AHI1: variants seen among roughly 807,000 people sequenced by gnomAD.
AHI1 encodes Abelson helper integration site 1, also known as jouberin.
A neutral mutation model predicts 149.3 loss-of-function variants in AHI1; 123 were observed. The observed-to-expected ratio is 0.82, with a 90% CI of 0.71 to 0.96. The LOEUF (loss-of-function observed/expected upper bound fraction) is 0.96. AHI1 is among the 40% of genes least tolerant of loss of function. The pLI, the probability that AHI1 is intolerant of heterozygous loss-of-function variation, is 0.00. For missense variants in AHI1, 1,439 were observed against 1,422.7 expected, an observed-to-expected ratio of 1.01 and a Z score of -0.18; for synonymous variants, 475 against 459.8, an observed-to-expected ratio of 1.03 and a Z score of -0.42.
chr6:135,301,649 T>C (rs1470889638), intron 26 of AHI1: 2 of 985,300 alleles, frequency 2.0e-6, no homozygotes, highest in Non-Finnish European at 2.4e-6. Flanking sequence ...TCAAGCATAA[T>C]AAAAACAAGA....
intron 23 of AHI1, among the ~76,000 whole-genome samples, chr6:135,389,586 T>C (rs1413877637): frequency 1.3e-5 from 2 of 152,208 alleles, no homozygotes; most frequent in African/African-American, 2.4e-5. Flanking sequence ...TAAAAAATCA[T>C]GTCATCCCTA....
intron 26 of AHI1, among the ~76,000 whole-genome samples, chr6:135,311,675 A>G (rs1785229938): frequency 6.6e-6 from 1 of 152,234 alleles, no homozygotes. Context: ...AAAAAAGTCC[A>G]AAACACAAAA....
intron 20 of AHI1, 65 bp downstream of exon 20, chr6:135,427,102 T>C (rs1350533828): frequency 2.9e-5 from 43 of 1,485,052 alleles, no homozygotes; most frequent in Middle Eastern, 4.4e-4. Context: ...CCAGACAGAT[T>C]CCTGGTTTAG....
intron 5 of AHI1, among the ~76,000 whole-genome samples, chr6:135,475,894 C>T (rs1382791080): frequency 2.0e-5 from 3 of 152,118 alleles, no homozygotes; most frequent in African/African-American, 7.2e-5. Context: ...CCATGGAAAC[C>T]CCCAACACAT....
intron 18 of AHI1, 133 bp downstream of exon 18, chr6:135,429,749 G>T: frequency 2.0e-6 from 1 of 495,914 alleles, no homozygotes; most frequent in Non-Finnish European, 3.4e-6. Context: ...AAAATCTCCA[G>T]ATACTGCCAG....
At chr6:135,361,661 AC>A (rs1793897608) in intron 23 of AHI1, among the ~76,000 whole-genome samples, 11 of 148,650 alleles carry the variant, frequency 7.4e-5, no homozygotes, top group Admixed American at 7.3e-4. Context: ...ACACACACAC[AC>A]ACACACACAC....
At chr6:135,456,667 T>C (rs1319300538) in intron 9 of AHI1, among the ~76,000 whole-genome samples, 1 of 152,254 alleles carries the variant, frequency 6.6e-6, no homozygotes, top group Admixed American at 6.5e-5. Flanking sequence ...ATGGGCTTTT[T>C]TTGGACAATC....
chr6:135,428,800 C>T (rs373612654), intron 18 of AHI1, 41 bp from the exon 19 acceptor site: 1 of 1,528,482 alleles, frequency 6.5e-7, no homozygotes, highest in Non-Finnish European at 8.8e-7. Flanking sequence ...CTGTCTTAAT[C>T]ATGTAAATGA....
intron 26 of AHI1, among the ~76,000 whole-genome samples, chr6:135,315,082 ATTAAGT>A (rs1222556299): frequency 6.6e-6 from 1 of 152,166 alleles, no homozygotes; most frequent in Non-Finnish European, 1.5e-5. Flanking sequence ...TAACCTAAGA[ATTAAGT>A]ATGTCAGCTC....
intron 27 of AHI1, among the ~76,000 whole-genome samples, chr6:135,299,085 T>C (rs1217650530): frequency 6.6e-6 from 1 of 152,180 alleles, no homozygotes; most frequent in Non-Finnish European, 1.5e-5. Context: ...TCTACTATTA[T>C]GTAAAATTTT....
chr6:135,373,401 CTA>C (rs1775359889), intron 23 of AHI1, among the ~76,000 whole-genome samples: 1 of 152,094 alleles, frequency 6.6e-6, no homozygotes, highest in Non-Finnish European at 1.5e-5. Context: ...TAAGTACACT[CTA>C]TGATATTTGC....
chr6:135,490,756 G>T lies in AHI1; in HGVS notation c.11-9C>A, dbSNP rs779186190. 3 of 1,611,648 alleles carry T rather than the reference G, an allele frequency of 1.9e-6. No homozygotes were observed. Among genetic ancestry groups the T allele is most frequent in the Non-Finnish European group, 2.5e-6 (3 of 1,178,932 alleles). ...TTTTGCTTCACTCTCAGCTACAAAA[G>T]ATACAGCCATGTGATTTTGTAAATG... is the stretch of plus-strand genomic sequence containing the variant. On this transcript the variant is annotated splice_polypyrimidine_tract_variant and intron_variant, in intron 4 of 28. Transcript: ENST00000265602.
At chr6:135,320,310 A>G (rs1288226365) in intron 25 of AHI1, among the ~76,000 whole-genome samples, 1 of 152,194 alleles carries the variant, frequency 6.6e-6, no homozygotes, top group Non-Finnish European at 1.5e-5. Context: ...TCTGGGATAC[A>G]ATAAGGAATT....
At chr6:135,293,817 C>A (rs1439647803) in intron 27 of AHI1, among the ~76,000 whole-genome samples, 1 of 152,150 alleles carries the variant, frequency 6.6e-6, no homozygotes, top group Non-Finnish European at 1.5e-5. Flanking sequence ...AAATTAGTAT[C>A]TGGATTAAAT....
In AHI1 at chr6:135,392,762, C is replaced by A. The variant is rs1778693264; in HGVS notation, c.3109+2014G>T. On this transcript the variant is annotated intron_variant, in intron 23 of 28. Coordinates refer to ENST00000265602, the MANE Select transcript of AHI1 (RefSeq NM_001134831.2). ...AAGCAGAAACTCACCATAGCCAGAG[C>A]CCTCATTTATTTGGAGGGATGAGAA... Among the ~76,000 whole-genome samples the A allele has an allele frequency of 2.0e-5, 3 of 152,140 alleles. No homozygotes were observed. In the South Asian group the frequency reaches 6.2e-4, roughly 32 times the overall value.
intron 26 of AHI1, among the ~76,000 whole-genome samples, chr6:135,313,355 T>G (rs1269206117): frequency 6.6e-6 from 1 of 152,220 alleles, no homozygotes; most frequent in Non-Finnish European, 1.5e-5. Flanking sequence ...TCCACGCATC[T>G]TAAGATTTAA....
At chr6:135,474,559 G>A (rs1792291702) in intron 5 of AHI1, 1 of 151,750 alleles carries the variant, frequency 6.6e-6, no homozygotes. Flanking sequence ...AGTTCAATCT[G>A]TAACTGACTG....
At chr6:135,487,011 C>T (rs1794573386) in intron 5 of AHI1, among the ~76,000 whole-genome samples, 2 of 152,112 alleles carry the variant, frequency 1.3e-5, no homozygotes, top group African/African-American at 4.8e-5. Context: ...AGCAATTCTC[C>T]CACCTTGGAT....
chr6:135,490,369 T>A (rs771267482), intron 5 of AHI1: 1 of 654,238 alleles, frequency 1.5e-6, no homozygotes, highest in Non-Finnish European at 2.7e-6. Flanking sequence ...GTTTTGAGTT[T>A]CCCCACTATC....
Sources: allele counts gnomAD v4.1 joint callset (sites outside exome capture counted in the v4.1 genomes callset), GRCh38; gene constraint gnomAD v4.1.1; transcripts MANE v1.5; gene names NCBI Gene and HGNC (gene_info 2026-07-23, HGNC 2026-07-21).